PCDH15: variants seen among roughly 807,000 people sequenced by gnomAD.
The protein encoded by PCDH15 is protocadherin-15.
In PCDH15, 129 loss-of-function variants were observed where a neutral mutation model predicts 178.5. The observed-to-expected ratio is 0.72, with a 90% CI of 0.63 to 0.84. PCDH15 has a LOEUF of 0.84. PCDH15 is among the 40% of genes least tolerant of loss of function. The pLI, the probability that PCDH15 is intolerant of heterozygous loss-of-function variation, is 0.00. For missense variants in PCDH15, 2,230 were observed against 2,099.9 expected, an observed-to-expected ratio of 1.06 and a Z score of -1.21; for synonymous variants, 800 against 732.0, an observed-to-expected ratio of 1.09 and a Z score of -1.50.
At chr10:55,319,325 ATG>A (rs1001632670) in intron 1 of PCDH15, among the ~76,000 whole-genome samples, 4 of 152,184 alleles carry the variant, frequency 2.6e-5, no homozygotes, top group African/African-American at 7.2e-5. Context: ...AAGTATATAA[ATG>A]TGTGTGTGTC....
chr10:54,438,190 T>C (rs1047001792), intron 3 of PCDH15, among the ~76,000 whole-genome samples: 6 of 152,014 alleles, frequency 3.9e-5, no homozygotes, highest in African/African-American at 7.2e-5. Context: ...GATGTCCTTC[T>C]TTTGTCTATG....
intron 2 of PCDH15, among the ~76,000 whole-genome samples, chr10:54,609,628 C>T (rs1296337921): frequency 6.6e-6 from 1 of 151,968 alleles, no homozygotes; most frequent in Non-Finnish European, 1.5e-5. Context: ...ATTAATGCTG[C>T]TACTGAAAGG....
intron 1 of PCDH15, among the ~76,000 whole-genome samples, chr10:55,291,928 A>C (rs2132268974): frequency 6.6e-6 from 1 of 152,312 alleles, no homozygotes; most frequent in Admixed American, 6.5e-5. Context: ...CTTATTCACT[A>C]TCACAAGAAC....
chr10:55,114,232 T>G (rs777544103), intron 2 of PCDH15, among the ~76,000 whole-genome samples: 1 of 152,162 alleles, frequency 6.6e-6, no homozygotes, highest in Non-Finnish European at 1.5e-5. Context: ...ATTACATGAG[T>G]GAACCACCGT....
intron 1 of PCDH15, among the ~76,000 whole-genome samples, chr10:55,315,527 C>A (rs1843702718): frequency 6.6e-6 from 1 of 152,144 alleles, no homozygotes; most frequent in African/African-American, 2.4e-5. Flanking sequence ...CTCCCAATCA[C>A]CTAGCCACAA....
intron 9 of PCDH15, among the ~76,000 whole-genome samples, chr10:54,215,381 C>A (rs561844371): frequency 8.3e-4 from 126 of 152,120 alleles, no homozygotes; most frequent in African/African-American, 3.0e-3. Flanking sequence ...CCATTAAAAC[C>A]GACTGTAAAA....
intron 1 of PCDH15, among the ~76,000 whole-genome samples, chr10:54,707,907 G>T (rs1159437823): frequency 6.6e-6 from 1 of 152,162 alleles, no homozygotes; most frequent in African/African-American, 2.4e-5. Context: ...GAGCAGGACT[G>T]CTTAGCCCCA....
chr10:54,361,566 C>A (rs529471698), intron 5 of PCDH15, among the ~76,000 whole-genome samples: 2 of 151,906 alleles, frequency 1.3e-5, no homozygotes, highest in East Asian at 3.9e-4. Flanking sequence ...ATTGAGAAAA[C>A]TAAGTCCATT....
chr10:54,562,700 C>T (rs958871036), intron 2 of PCDH15, among the ~76,000 whole-genome samples: 2 of 152,136 alleles, frequency 1.3e-5, no homozygotes, highest in African/African-American at 4.8e-5. Context: ...ATCTCACTCT[C>T]AGTCTCTCTC....
intron 3 of PCDH15, among the ~76,000 whole-genome samples, chr10:54,416,195 G>A (rs1020036588): frequency 3.3e-5 from 5 of 151,948 alleles, no homozygotes; most frequent in East Asian, 1.9e-4. Flanking sequence ...TGTGCAAAAC[G>A]TGCAGGTTTG....
intron 2 of PCDH15, among the ~76,000 whole-genome samples, chr10:55,346,230 G>A (rs970138641): frequency 6.6e-6 from 1 of 152,060 alleles, no homozygotes; most frequent in African/African-American, 2.4e-5. Context: ...TATTTAAAAA[G>A]TATCAAAGAA....
intron 2 of PCDH15, among the ~76,000 whole-genome samples, chr10:55,107,009 C>G (rs1205904429): frequency 1.3e-5 from 2 of 152,300 alleles, no homozygotes; most frequent in Non-Finnish European, 1.5e-5. Context: ...AGACTAATTT[C>G]TTTTCAACAT....
intron 4 of PCDH15, among the ~76,000 whole-genome samples, chr10:54,372,377 T>C (rs765358354): frequency 1.6e-4 from 24 of 151,840 alleles, no homozygotes; most frequent in Non-Finnish European, 2.8e-4. Context: ...GGAACAGTTA[T>C]CACTCTCAAC....
intron 1 of PCDH15, among the ~76,000 whole-genome samples, chr10:54,799,336 G>A (rs1056949626): frequency 3.3e-4 from 50 of 151,874 alleles, no homozygotes; most frequent in African/African-American, 1.2e-3. Flanking sequence ...AAGTTGTAAT[G>A]GACATTTATT....
intron 6 of PCDH15, among the ~76,000 whole-genome samples, chr10:54,333,145 A>G (rs1312402783): frequency 6.6e-6 from 1 of 152,022 alleles, no homozygotes; most frequent in Non-Finnish European, 1.5e-5. Context: ...ATGGGGTTTT[A>G]ACATGTTGGC....
At chr10:54,182,259 G>A (rs1293488064) in intron 13 of PCDH15, among the ~76,000 whole-genome samples, 2 of 152,172 alleles carry the variant, frequency 1.3e-5, no homozygotes, top group Admixed American at 6.5e-5. Context: ...GAGCCGCCAT[G>A]CCCAGCTGCA....
intron 2 of PCDH15, among the ~76,000 whole-genome samples, chr10:54,652,456 G>T (rs907930819): frequency 2.0e-5 from 3 of 152,162 alleles, no homozygotes; most frequent in Non-Finnish European, 2.9e-5. Context: ...ACTAAGACTC[G>T]CAGGCATTCC....
At chr10:53,894,550 T>C (rs944166324) in intron 26 of PCDH15, among the ~76,000 whole-genome samples, 2 of 152,202 alleles carry the variant, frequency 1.3e-5, no homozygotes, top group Non-Finnish European at 2.9e-5. Context: ...GCATCTGTTC[T>C]ATATGTAACT....
intron 2 of PCDH15, among the ~76,000 whole-genome samples, chr10:54,914,357 G>A (rs751174439): frequency 6.6e-6 from 1 of 152,082 alleles, no homozygotes; most frequent in Admixed American, 6.5e-5. Flanking sequence ...GAATGTGTCA[G>A]TTTCCCCTTC....
Sources: allele counts gnomAD v4.1 joint callset (sites outside exome capture counted in the v4.1 genomes callset), GRCh38; gene constraint gnomAD v4.1.1; transcripts MANE v1.5; gene names NCBI Gene and HGNC (gene_info 2026-07-23, HGNC 2026-07-21).